Variants in DMXL1 observed in about 807,000 individuals in gnomAD.
DMXL1 encodes the protein dmX-like protein 1.
DMXL1 carries 99 observed loss-of-function variants against 319.2 expected under a neutral mutation model. The ratio of observed to expected loss-of-function variants is 0.31; its 90% CI spans 0.26 to 0.37. DMXL1 has a LOEUF of 0.37. Among genes scored for constraint, DMXL1 ranks in the 10% least tolerant of loss-of-function variants. The probability of loss-of-function intolerance (pLI) is 1.00; values close to 1 mark genes in which losing one functional copy is unlikely to be tolerated. For synonymous variants in DMXL1, 1,385 were observed against 1,235.2 expected (o/e 1.12, Z -2.54); for missense variants, 3,745 against 3,595.6 (o/e 1.04, Z -1.06).
At chr5:119,148,671 G>C in intron 17 of DMXL1, 68 bp from the exon 18 acceptor site, 1 of 1,469,428 alleles carries the variant, frequency 6.8e-7, no homozygotes, top group Middle Eastern at 2.0e-4. Flanking sequence ...GACTAAAATC[G>C]TAAGTACATA....
intron 27 of DMXL1, 66 bp from the exon 28 acceptor site, chr5:119,177,930 T>C (rs1776112431): frequency 7.2e-7 from 1 of 1,382,696 alleles, no homozygotes; most frequent in Admixed American, 2.7e-5. Context: ...ATTAGAAAAA[T>C]ATAGTTAATT....
rs776049915 is a variant in DMXL1 at position 119,233,417 on chromosome 5, G to A, written c.8416G>A (p.Gly2806Ser). 4.3e-5 allele frequency: 70 copies of A among 1,612,318 alleles called. No individual in the cohort carries two copies. The highest frequency in any genetic ancestry group is 5.7e-5 in the Non-Finnish European group (67 of 1,178,836). The stretch of plus-strand genomic sequence containing the variant: ...TCAACAAATAACCTGTTTTCGATCT[G>A]GTGGCAATTCAAGAGTTACAAGAAT... Reference protein sequence around the residue: ...HSQQITCFRSGGNSRVTRMRF... With the variant: ...HSQQITCFRSSGNSRVTRMRF... Residue 2806 changes from glycine to serine, a missense_variant, in exon 39 of 44, where the codon GGT becomes AGT. By Grantham distance (56) the Gly-to-Ser change is moderately conservative. Transcript: ENST00000539542.
rs958653738 is a variant in DMXL1, at chr5:119,149,468, C to T, written c.3641C>T (p.Pro1214Leu). The change falls in exon 18 of 44, where the codon CCT becomes CTT. Residue 1214 changes from proline to leucine, a missense_variant. Pro to Leu is a moderately conservative substitution (Grantham distance 98, BLOSUM62 -3). Coordinates refer to ENST00000539542, the MANE Select transcript of DMXL1 (RefSeq NM_001290321.3). ...DLVSSVDGSP[P>L]FPVSLSWVRD... ...GTTTCTTCTGTAGATGGCTCCCCAC[C>T]TTTTCCTGTTTCTTTATCGTGGGTC... The T allele has an allele frequency of 1.9e-6, 3 of 1,613,832 alleles. No homozygotes were observed. Among genetic ancestry groups the T allele is most frequent in the Admixed American group, 3.3e-5 (2 of 59,978 alleles).
Position 119,143,825 on chromosome 5 carries a change from T to G in DMXL1, c.2377-16T>G, listed in dbSNP as rs778464724. On this transcript the variant is annotated splice_polypyrimidine_tract_variant and intron_variant, in intron 13 of 43. Transcript: ENST00000539542. ...TGAATTGTTTAGTAAATTATAAATT[T>G]TTTTAAAAAAAACAGAAATATGTTG... 5 of 1,537,194 alleles carry G rather than the reference T, an allele frequency of 3.3e-6. No individual in the cohort carries two copies. The South Asian group carries it at 6.3e-5, about 19-fold the overall frequency.
intron 34 of DMXL1, among the ~76,000 whole-genome samples, chr5:119,215,350 T>C (rs2150544718): frequency 6.6e-6 from 1 of 152,158 alleles, no homozygotes; most frequent in South Asian, 2.1e-4. Flanking sequence ...CTCTGTTGCC[T>C]GGGCTGGAGT....
intron 1 of DMXL1, among the ~76,000 whole-genome samples, chr5:119,083,485 T>C (rs1283891332): frequency 1.3e-5 from 2 of 152,168 alleles, no homozygotes; most frequent in Non-Finnish European, 2.9e-5. Flanking sequence ...CTGAATTTCA[T>C]TCTTTTGCAT....
chr5:119,124,851 G>A (rs1391465996), intron 9 of DMXL1, among the ~76,000 whole-genome samples: 2 of 152,126 alleles, frequency 1.3e-5, no homozygotes, highest in African/African-American at 4.8e-5. Flanking sequence ...ACAGGCGTGA[G>A]TCACTGCACC....
At position 119,173,776 on chromosome 5, in the gene DMXL1, G is replaced by GTATGTATATATATATATATATATA. The variant is rs1554127642; in HGVS notation, c.6682-1482_6682-1481insGTATATATATATATATATATATAT. Among the ~76,000 whole-genome samples the GTATGTATATATATATATATATATA allele has an allele frequency of 7.4e-5, 5 of 67,172 alleles. 1 individual carries two copies. In the South Asian group the frequency reaches 2.7e-3, roughly 36 times the overall value. The allele number at this position is 67,172 out of a possible 152,430, so 44.1% of individuals were successfully genotyped here. ...TGTGTATATATATATATGTGTGTGTGTATATATATATATATATATATAATG... is the reference window on the plus strand; with the variant it reads ...TGTGTATATATATATATGTGTGTGTGTATGTATATATATATATATATATATATATATATATATATATATATAATG... On this transcript the variant is annotated intron_variant, in intron 25 of 43. Transcript: ENST00000539542.
At chr5:119,233,784 A>G (rs766687937) in intron 39 of DMXL1, among the ~76,000 whole-genome samples, 2 of 152,190 alleles carry the variant, frequency 1.3e-5, no homozygotes, top group Non-Finnish European at 2.9e-5. Context: ...TGTGTGATCC[A>G]GCAGCAAGTA....
At chr5:119,123,015 T>C (rs1192552244) in intron 9 of DMXL1, among the ~76,000 whole-genome samples, 3 of 152,006 alleles carry the variant, frequency 2.0e-5, no homozygotes, top group Non-Finnish European at 4.4e-5. Context: ...CTGGGCACCA[T>C]TGAGCACTGA....
intron 31 of DMXL1, 146 bp from the exon 32 acceptor site, chr5:119,197,609 T>A (rs1779872218): frequency 1.4e-6 from 1 of 738,734 alleles, no homozygotes; most frequent in African/African-American, 1.8e-5. Flanking sequence ...TTGCACATCT[T>A]CCCTGCCAAA....
At chr5:119,081,992 T>C (rs1176800206) in intron 1 of DMXL1, among the ~76,000 whole-genome samples, 1 of 129,628 alleles carries the variant, frequency 7.7e-6, no homozygotes, top group South Asian at 2.5e-4. Flanking sequence ...GAAGTTTTCT[T>C]AAGGTTATAT....
rs1486835325 is a variant in DMXL1 at position 119,133,282 on chromosome 5, A to G, written c.1466A>G (p.Asn489Ser). ...IEVLLSEWSK[N>S]ADMLFSIHPM... ...GTACTTCTGTCTGAATGGAGTAAAA[A>G]TGCAGATATGCTATTTAGTATTCAT... The change falls in exon 11 of 44, where the codon AAT becomes AGT. Residue 489 changes from asparagine to serine, a missense_variant. Physicochemically the swap from Asn to Ser is conservative, Grantham distance 46. Transcript: ENST00000539542. 1 of 1,614,132 alleles carries G rather than the reference A, an allele frequency of 6.2e-7. No individual in the cohort carries two copies. The highest frequency in any genetic ancestry group is 1.3e-5 in the African/African-American group (1 of 75,044).
intron 28 of DMXL1, among the ~76,000 whole-genome samples, chr5:119,184,303 A>G (rs1777300910): frequency 1.3e-5 from 2 of 152,072 alleles, no homozygotes; most frequent in Admixed American, 6.5e-5. Context: ...GACTCAAGTG[A>G]TCTTCCCACC....
rs765270560 is a variant in DMXL1, at chr5:119,171,087, A to G, written c.6296A>G (p.Asp2099Gly). ...RNEDEFGLNE[D>G]AEDLPHQTKV... ...GAAGATGAATTTGGATTAAATGAGG[A>G]TGCTGAAGATTTGCCTCACCAAACA... is the stretch of plus-strand genomic sequence containing the variant. Residue 2099 changes from aspartate to glycine, a missense_variant, in exon 24 of 44, where the codon GAT becomes GGT. Physicochemically the swap from Asp to Gly is moderately conservative, Grantham distance 94 (BLOSUM62 -1). Transcript: ENST00000539542. 2.5e-6 allele frequency: 4 copies of G among 1,613,920 alleles called. No homozygotes were observed. The highest frequency in any genetic ancestry group is 2.2e-5 in the East Asian group (1 of 44,862).
chr5:119,080,573 C>G lies in DMXL1; in HGVS notation c.87+8917C>G, dbSNP rs35044826. Among the ~76,000 whole-genome samples, 700 of 152,280 alleles carry G rather than the reference C, an allele frequency of 4.6e-3. 13 individuals are homozygous for G. The highest frequency in any genetic ancestry group is 0.016 in the African/African-American group (654 of 41,556). On this transcript the variant is annotated intron_variant, in intron 1 of 43. Transcript: ENST00000539542. ...TACAATCAATCAAGCCCTGTAGATT[C>G]TGTCTCCTGAGTAATTTTAATATAT...
chr5:119,116,846 A>AAACAGCTAT (rs1561622596), intron 7 of DMXL1, among the ~76,000 whole-genome samples: 1 of 152,170 alleles, frequency 6.6e-6, no homozygotes, highest in Non-Finnish European at 1.5e-5. Context: ...TTCTTCTTTG[A>AAACAGCTAT]AACAGCTATA....
intron 38 of DMXL1, among the ~76,000 whole-genome samples, chr5:119,225,601 T>C (rs1785398742): frequency 6.6e-6 from 1 of 152,116 alleles, no homozygotes; most frequent in Admixed American, 6.5e-5. Context: ...GATATTCTGA[T>C]AAAATGCAGT....
intron 2 of DMXL1, among the ~76,000 whole-genome samples, chr5:119,100,388 A>G (rs1225004642): frequency 6.6e-6 from 1 of 151,532 alleles, no homozygotes; most frequent in South Asian, 2.1e-4. Flanking sequence ...GTGAGCTGAG[A>G]TCGTGCCACT....
Sources: gnomAD v4.1 joint callset for allele counts (sites outside exome capture counted in the v4.1 genomes callset) on GRCh38, gnomAD v4.1.1 for gene constraint, MANE v1.5 for transcripts, NCBI Gene and HGNC (gene_info 2026-07-23, HGNC 2026-07-21) for gene names.